PCSK5: variants seen among roughly 807,000 people sequenced by gnomAD.
PCSK5 encodes prohormone convertase 5.
In PCSK5, 129 loss-of-function variants were observed where a neutral mutation model predicts 233.2. The ratio of observed to expected loss-of-function variants is 0.55; its 90% CI spans 0.48 to 0.64. The LOEUF is 0.64. PCSK5 is among the 30% of genes least tolerant of loss of function. The pLI is 0.00. For synonymous variants in PCSK5, 825 were observed against 879.2 expected (o/e 0.94, Z 1.09); for missense variants, 2,076 against 2,430.1 (o/e 0.85, Z 3.06).
chr9:75,931,236 C>T lies in PCSK5; in HGVS notation c.193-1143C>T, dbSNP rs80148113. Among the ~76,000 whole-genome samples the T allele has an allele frequency of 6.1e-3, 858 of 141,246 alleles. 3 individuals are homozygous for T. Among genetic ancestry groups the T allele is most frequent in the Non-Finnish European group, 0.01 (662 of 65,724 alleles). The allele number at this position is 141,246 out of a possible 152,430, so 92.7% of individuals were successfully genotyped here. On this transcript the variant is annotated intron_variant, in intron 1 of 37. Coordinates refer to ENST00000674117, the MANE Select transcript of PCSK5 (RefSeq NM_001372043.1). ...TAAACTTTTTATCTGGAAAAATTAA[C>T]ATGGGCCAAGACTTTTTTTTTTTTT... is the stretch of plus-strand genomic sequence containing the variant.
At chr9:76,193,414 A>AAAAG in intron 20 of PCSK5, 1 of 1,054,750 alleles carries the variant, frequency 9.5e-7, no homozygotes, top group Non-Finnish European at 1.2e-6. Context: ...TATTAAAAAG[A>AAAAG]AAAAAGCCAA....
chr9:75,990,474 T>C (rs763154823), intron 3 of PCSK5, among the ~76,000 whole-genome samples: 4 of 152,210 alleles, frequency 2.6e-5, no homozygotes, highest in Non-Finnish European at 4.4e-5. Context: ...AGCTGTATAA[T>C]TACTGCTGTG....
chr9:76,258,524 T>C (rs1827056157), intron 24 of PCSK5, among the ~76,000 whole-genome samples: 1 of 152,202 alleles, frequency 6.6e-6, no homozygotes, highest in African/African-American at 2.4e-5. Context: ...ACATTTGAAA[T>C]ATTATCCAAA....
chr9:76,310,676 G>T lies in PCSK5; in HGVS notation c.3709G>T (p.Ala1237Ser), dbSNP rs770518380. ...CPKGAYLLAQ[A>S]CVSSCPQGTW... ...TCTAGGTGCATATCTTCTGGCTCAG[G>T]CCTGTGTTTCCTCCTGTCCCCAAGG... Residue 1237 changes from alanine to serine, a missense_variant, in exon 30 of 38, where the codon GCC (alanine) becomes TCC (serine). Ala to Ser is a moderately conservative substitution (Grantham distance 99, BLOSUM62 1). Coordinates refer to ENST00000674117, the MANE Select transcript of PCSK5 (RefSeq NM_001372043.1). 5 of 1,592,642 alleles carry T rather than the reference G, an allele frequency of 3.1e-6. No individual in the cohort carries two copies. Among genetic ancestry groups the T allele is most frequent in the Non-Finnish European group, 4.3e-6 (5 of 1,172,382 alleles).
At chr9:76,186,803 C>G (rs1246982923) in intron 17 of PCSK5, among the ~76,000 whole-genome samples, 2 of 152,048 alleles carry the variant, frequency 1.3e-5, no homozygotes, top group African/African-American at 4.8e-5. Flanking sequence ...ATCCTTTTTT[C>G]TAGTGCTACA....
intron 2 of PCSK5, among the ~76,000 whole-genome samples, chr9:75,953,646 CTG>C (rs34234415): frequency 2.5e-3 from 369 of 149,546 alleles, no homozygotes; most frequent in South Asian, 0.018. Context: ...GTGTGTGTGT[CTG>C]TGTGTGTGTG....
chr9:76,315,778 G>A (rs999038947), intron 30 of PCSK5, among the ~76,000 whole-genome samples: 6 of 151,206 alleles, frequency 4.0e-5, no homozygotes, highest in Non-Finnish European at 5.9e-5. Context: ...GATTACAGGC[G>A]CCCACCATCA....
chr9:76,130,010 A>G (rs762274154), intron 9 of PCSK5, among the ~76,000 whole-genome samples: 1 of 152,162 alleles, frequency 6.6e-6, no homozygotes, highest in Non-Finnish European at 1.5e-5. Context: ...ACCACATCCA[A>G]GTGTGGCCAT....
intron 8 of PCSK5, among the ~76,000 whole-genome samples, chr9:76,101,675 T>C (rs1831764799): frequency 6.6e-6 from 1 of 152,198 alleles, no homozygotes; most frequent in Admixed American, 6.5e-5. Flanking sequence ...GTTGGGAGAA[T>C]ATATGTTCTG....
intron 24 of PCSK5, among the ~76,000 whole-genome samples, chr9:76,281,697 G>T (rs1266904789): frequency 6.6e-6 from 1 of 152,158 alleles, no homozygotes; most frequent in Non-Finnish European, 1.5e-5. Flanking sequence ...CACCCATGCT[G>T]GAGTACAGTG....
At chr9:76,087,997 A>G (rs1191382509) in intron 7 of PCSK5, among the ~76,000 whole-genome samples, 1 of 152,234 alleles carries the variant, frequency 6.6e-6, no homozygotes, top group African/African-American at 2.4e-5. Flanking sequence ...TGTATTTCCC[A>G]TCTCTCTCAT....
At chr9:76,000,883 C>T (rs982510134) in intron 3 of PCSK5, among the ~76,000 whole-genome samples, 2 of 151,310 alleles carry the variant, frequency 1.3e-5, no homozygotes, top group African/African-American at 4.9e-5. Flanking sequence ...TGTTCCAGGC[C>T]TGGAATCAAC....
intron 20 of PCSK5, chr9:76,194,774 A>C: frequency 2.1e-6 from 1 of 466,514 alleles, no homozygotes; most frequent in South Asian, 1.6e-5. Flanking sequence ...ACTGATATCA[A>C]GTTTCTTCAT....
intron 8 of PCSK5, among the ~76,000 whole-genome samples, chr9:76,099,011 C>T (rs551407996): frequency 6.6e-6 from 1 of 152,310 alleles, no homozygotes; most frequent in Non-Finnish European, 1.5e-5. Context: ...TGTTAATACC[C>T]TTTCGCGAGG....
chr9:76,079,429 C>A (rs1830757423), intron 7 of PCSK5, among the ~76,000 whole-genome samples: 1 of 152,264 alleles, frequency 6.6e-6, no homozygotes, highest in Non-Finnish European at 1.5e-5. Context: ...TGAGCCACCA[C>A]AACCGGCCAG....
chr9:75,951,334 G>A (rs761021814), intron 2 of PCSK5, among the ~76,000 whole-genome samples: 5 of 152,204 alleles, frequency 3.3e-5, no homozygotes, highest in Non-Finnish European at 5.9e-5. Flanking sequence ...ACCAGCATCA[G>A]CCCCTGCACT....
intron 1 of PCSK5, among the ~76,000 whole-genome samples, chr9:75,921,642 A>G (rs973633107): frequency 6.6e-6 from 1 of 152,014 alleles, no homozygotes; most frequent in Non-Finnish European, 1.5e-5. Flanking sequence ...TTAAATATTA[A>G]ACAATAATCT....
chr9:76,262,916 C>G (rs1405990861), intron 24 of PCSK5, among the ~76,000 whole-genome samples: 1 of 149,198 alleles, frequency 6.7e-6, no homozygotes, highest in Non-Finnish European at 1.5e-5. Context: ...ACAATGAACT[C>G]AAACAAATTT....
In PCSK5 at chr9:76,095,910, T is replaced by G. The variant is rs777878908; in HGVS notation, c.915T>G (p.Ser305=). 6.2e-7 allele frequency: 1 copy of G among 1,614,160 alleles called. No homozygotes were observed. The highest frequency in any genetic ancestry group is 1.3e-5 in the African/African-American group (1 of 75,044). Residue 305 remains serine, a synonymous_variant, in exon 8 of 38, where the codon TCT becomes TCG. Coordinates refer to ENST00000674117, the MANE Select transcript of PCSK5 (RefSeq NM_001372043.1). ...GVRMGRRGLG[S]VFVWASGNGG... ...AACAGGGGCGGAGAGGCCTCGGCTCTGTGTTTGTTTGGGCATCTGGAAATG... is the reference window on the plus strand; with the variant it reads ...AACAGGGGCGGAGAGGCCTCGGCTCGGTGTTTGTTTGGGCATCTGGAAATG...
Sources: gnomAD v4.1 joint callset for allele counts (sites outside exome capture counted in the v4.1 genomes callset) on GRCh38, gnomAD v4.1.1 for gene constraint, MANE v1.5 for transcripts, NCBI Gene and HGNC (gene_info 2026-07-23, HGNC 2026-07-21) for gene names.